The following REV3L variants were observed in gnomAD, a reference collection of about 807,000 sequenced individuals.
REV3L encodes DNA polymerase zeta catalytic subunit.
A neutral mutation model predicts 299.4 loss-of-function variants in REV3L; 69 were observed. The observed-to-expected ratio is 0.23, with a 90% CI of 0.19 to 0.28. REV3L has a LOEUF of 0.28. REV3L is among the 10% of genes least tolerant of loss of function. The pLI, the probability that REV3L is intolerant of heterozygous loss-of-function variation, is 1.00. For synonymous variants in REV3L, 1,238 were observed against 1,271.4 expected (o/e 0.97, Z 0.56); for missense variants, 3,128 against 3,693.8 (o/e 0.85, Z 3.97).
intron 13 of REV3L, among the ~76,000 whole-genome samples, chr6:111,369,755 T>C (rs995524018): frequency 1.1e-4 from 17 of 152,186 alleles, no homozygotes; most frequent in African/African-American, 3.4e-4. Context: ...CAAAATATTA[T>C]GGTGGCTGTT....
At chr6:111,438,240 A>G (rs566667230) in intron 1 of REV3L, among the ~76,000 whole-genome samples, 1 of 152,130 alleles carries the variant, frequency 6.6e-6, no homozygotes, top group East Asian at 1.9e-4. Flanking sequence ...TAATGAGATG[A>G]CCTAATTTTG....
At chr6:111,461,167 A>G (rs891455218) in intron 1 of REV3L, among the ~76,000 whole-genome samples, 2 of 152,134 alleles carry the variant, frequency 1.3e-5, no homozygotes, top group Non-Finnish European at 1.5e-5. Flanking sequence ...AGGAACTGTT[A>G]TCATAGGAGA....
chr6:111,383,192 G>A (rs1781009796), intron 9 of REV3L, among the ~76,000 whole-genome samples: 1 of 152,138 alleles, frequency 6.6e-6, no homozygotes, highest in South Asian at 2.1e-4. Context: ...AAAATTGAAA[G>A]CCCGTTCTCT....
At chr6:111,392,629 A>G (rs1782050973) in intron 5 of REV3L, 2 of 283,490 alleles carry the variant, frequency 7.1e-6, no homozygotes, top group Admixed American at 4.8e-5. Flanking sequence ...ATGTTGCAGA[A>G]AAGTATAACA....
At chr6:111,448,748 G>A (rs1192940677) in intron 1 of REV3L, among the ~76,000 whole-genome samples, 3 of 150,572 alleles carry the variant, frequency 2.0e-5, no homozygotes. Flanking sequence ...AGCCTCTCCA[G>A]TGTATGGGAC....
chr6:111,390,509 C>T (rs1781811108), intron 5 of REV3L, among the ~76,000 whole-genome samples: 1 of 151,880 alleles, frequency 6.6e-6, no homozygotes, highest in Non-Finnish European at 1.5e-5. Context: ...AATATAAAAA[C>T]CTCAGAGGAA....
rs541142919 is a variant in REV3L at position 111,395,170 on chromosome 6, G to C, written c.566-2198C>G. On this transcript the variant is annotated intron_variant, in intron 4 of 31. Coordinates refer to ENST00000368802, the MANE Select transcript of REV3L (RefSeq NM_001372078.1). Reference sequence around the variant, plus strand: ...TGTCTCCAACTGTTCTTTTTGCTCAGGATTGCTTTGGCTATTTAGGCTCTT... The same window carrying C: ...TGTCTCCAACTGTTCTTTTTGCTCACGATTGCTTTGGCTATTTAGGCTCTT... 4.6e-5 allele frequency among the ~76,000 whole-genome samples: 7 copies of C among 152,218 alleles called. No homozygotes were observed. In the East Asian group the frequency reaches 1.2e-3, roughly 25 times the overall value.
chr6:111,434,268 A>G (rs892117793), intron 1 of REV3L, among the ~76,000 whole-genome samples: 5 of 152,180 alleles, frequency 3.3e-5, no homozygotes, highest in African/African-American at 9.7e-5. Flanking sequence ...CTTGCAGATG[A>G]CATGGTCTTA....
At chr6:111,338,203 T>C (rs1344788218) in intron 21 of REV3L, among the ~76,000 whole-genome samples, 1 of 151,988 alleles carries the variant, frequency 6.6e-6, no homozygotes, top group Non-Finnish European at 1.5e-5. Context: ...CTGTAGGTGG[T>C]GATTCAGGAG....
intron 1 of REV3L, among the ~76,000 whole-genome samples, chr6:111,425,240 C>T (rs1043574694): frequency 1.3e-4 from 20 of 152,214 alleles, no homozygotes; most frequent in South Asian, 1.0e-3. Context: ...GGGCAGATTA[C>T]GAGGTCAGGA....
At chr6:111,307,768 G>C in intron 30 of REV3L, 198 bp from the exon 31 acceptor site, 2 of 568,950 alleles carry the variant, frequency 3.5e-6, no homozygotes, top group South Asian at 2.4e-5. Context: ...TGCCTTCATG[G>C]AACTTACATC....
At chr6:111,301,346 T>C (rs457497) in intron 31 of REV3L, among the ~76,000 whole-genome samples, 29,548 of 151,962 alleles carry the variant, frequency 0.19, 3,339 homozygotes, top group East Asian at 0.37. Flanking sequence ...TTTGCTGTTG[T>C]GATATTTTAC....
At chr6:111,465,933 C>CT (rs1283392863) in intron 1 of REV3L, among the ~76,000 whole-genome samples, 1 of 151,940 alleles carries the variant, frequency 6.6e-6, no homozygotes, top group Non-Finnish European at 1.5e-5. Context: ...ATGAATTAGT[C>CT]TTTTTATATT....
At chr6:111,469,528 C>G (rs1006725305) in intron 1 of REV3L, among the ~76,000 whole-genome samples, 2 of 152,132 alleles carry the variant, frequency 1.3e-5, no homozygotes, top group African/African-American at 4.8e-5. Flanking sequence ...GTTAGGAAAC[C>G]CCTCCCATAC....
Position 111,311,076 on chromosome 6 carries a change from G to A in REV3L, c.8788C>T (p.Leu2930Phe), listed in dbSNP as rs1772921421. 3 of 1,612,570 alleles carry A rather than the reference G, an allele frequency of 1.9e-6. No homozygotes were observed. The highest frequency in any genetic ancestry group is 2.5e-6 in the Non-Finnish European group (3 of 1,179,336). The change falls in exon 29 of 32, where the codon CTT (leucine) becomes TTT (phenylalanine). Residue 2930 changes from leucine (L) to phenylalanine (F), a missense_variant. Leu to Phe is a conservative substitution (Grantham distance 22). Around this residue, in one of 9 missense-constraint regions of REV3L, gnomAD observed 294 missense variants for 377.0 expected, o/e 0.78. Coordinates refer to ENST00000368802, the MANE Select transcript of REV3L (RefSeq NM_001372078.1). ...TACTGAGGGTATCATTACCTTGTAAGTTCAAGGGCTGGCACACAAGCTCCT... is the reference window on the plus strand; with the variant it reads ...TACTGAGGGTATCATTACCTTGTAAATTCAAGGGCTGGCACACAAGCTCCT... ...KPGACVPALE[L>F]TRKMLTYDRR... is the part of the protein sequence containing the mutation.
intron 1 of REV3L, 92 bp downstream of exon 1, chr6:111,482,652 GGCCGGC>G: frequency 1.4e-6 from 1 of 722,702 alleles, no homozygotes; most frequent in Non-Finnish European, 1.8e-6. Context: ...CCACGGAGAC[GGCCGGC>G]GCCGGTGGCG....
rs950953713 is a variant in REV3L, at chr6:111,482,965, A to AGCG, written c.-80_-78dup. 5.6e-6 allele frequency: 8 copies of AGCG among 1,418,968 alleles called. No individual in the cohort carries two copies. The highest frequency in any genetic ancestry group is 1.5e-5 in the South Asian group (1 of 64,656). 87.9% of individuals were successfully genotyped at this position (1,418,968 alleles called of 1,614,324 possible). A position where few individuals can be genotyped will look rare whatever the true frequency, so the allele number is the denominator to read the frequency against. ...CAGCAGCGGCGGCGGCTCCCTCCGCAGCGGCGGCGGCGCCCCCTCCCCTTC... is the reference window on the plus strand; with the variant it reads ...CAGCAGCGGCGGCGGCTCCCTCCGCAGCGGCGGCGGCGGCGCCCCCTCCCCTTC... On this transcript the variant is annotated 5_prime_UTR_variant, in exon 1 of 32. Transcript: ENST00000368802.
intron 1 of REV3L, among the ~76,000 whole-genome samples, chr6:111,465,858 G>C (rs1481254951): frequency 1.3e-5 from 2 of 149,938 alleles, no homozygotes; most frequent in African/African-American, 2.5e-5. Flanking sequence ...ATATATCGCA[G>C]AAATAGTCAA....
chr6:111,431,512 G>C (rs1786924843), intron 1 of REV3L: 1 of 921,014 alleles, frequency 1.1e-6, no homozygotes, highest in Non-Finnish European at 1.8e-6. Flanking sequence ...AGCCCAGAAT[G>C]AATGTTTCAA....
Sources: allele counts gnomAD v4.1 joint callset (sites outside exome capture counted in the v4.1 genomes callset), GRCh38; gene constraint gnomAD v4.1.1; regional missense constraint gnomAD v4.1.1; transcripts MANE v1.5; gene names NCBI Gene and HGNC (gene_info 2026-07-23, HGNC 2026-07-21).